Variants in MSR1 observed in about 807,000 individuals in gnomAD.
MSR1 encodes the protein macrophage scavenger receptor types I and II.
MSR1 carries 53 observed loss-of-function variants against 47.2 expected under a neutral mutation model. The ratio of observed to expected loss-of-function variants is 1.12; its 90% CI spans 0.90 to 1.41. MSR1 has a LOEUF of 1.41. MSR1 is among the 40% of genes most tolerant of loss of function. The pLI is 0.00. For missense variants in MSR1, 786 were observed against 546.9 expected (o/e 1.44, Z -4.36); for synonymous variants, 239 against 185.6 (o/e 1.29, Z -2.34).
chr8:16,167,455 G>A (rs1801346035), intron 4 of MSR1, among the ~76,000 whole-genome samples: 1 of 152,132 alleles, frequency 6.6e-6, no homozygotes, highest in East Asian at 1.9e-4. Context: ...TAAGGCACGA[G>A]AATCACTTGA....
Position 16,113,057 on chromosome 8 carries a change from C to G in MSR1, c.1223-2839G>C, listed in dbSNP as rs188645651. On this transcript the variant is annotated intron_variant, in intron 9 of 9. Transcript: ENST00000262101. ...TTCCGCTTCCTGGGTTCAAATGATTCTCCTGCCTCAGCCTCCTGAGTAGGT... is the reference window on the plus strand; with the variant it reads ...TTCCGCTTCCTGGGTTCAAATGATTGTCCTGCCTCAGCCTCCTGAGTAGGT... 2.5e-3 allele frequency among the ~76,000 whole-genome samples: 364 copies of G among 144,812 alleles called. 1 individual carries two copies. Among genetic ancestry groups the G allele is most frequent in the African/African-American group, 7.2e-3 (282 of 39,118 alleles).
intron 8 of MSR1, among the ~76,000 whole-genome samples, chr8:16,126,454 T>C (rs1212290939): frequency 6.6e-6 from 1 of 152,112 alleles, no homozygotes; most frequent in Non-Finnish European, 1.5e-5. Flanking sequence ...GATGCAAACA[T>C]AATACAGAAA....
chr8:16,159,840 G>T (rs897163904), intron 5 of MSR1, among the ~76,000 whole-genome samples: 1 of 151,892 alleles, frequency 6.6e-6, no homozygotes. Flanking sequence ...ACCAGCAAAG[G>T]CTTCATGCAA....
At chr8:16,116,575 T>C (rs564812978) in intron 9 of MSR1, among the ~76,000 whole-genome samples, 6 of 152,048 alleles carry the variant, frequency 3.9e-5, no homozygotes, top group Non-Finnish European at 8.8e-5. Context: ...ACTCTGTCAT[T>C]CTATTCCTTA....
intron 8 of MSR1, among the ~76,000 whole-genome samples, chr8:16,134,018 T>C (rs910995763): frequency 2.0e-5 from 3 of 152,170 alleles, no homozygotes; most frequent in Admixed American, 6.5e-5. Context: ...TTGACGTGGA[T>C]AGTCAGCTGC....
intron 1 of MSR1, chr8:16,186,239 C>A (rs188007105): frequency 4.6e-6 from 7 of 1,521,596 alleles, no homozygotes; most frequent in Non-Finnish European, 6.2e-6. Flanking sequence ...TCTGGGTATT[C>A]CTCCTCATCT....
In MSR1 at chr8:16,154,967, A is replaced by G. The variant is rs1319417867; in HGVS notation, c.898+97T>C. On this transcript the variant is annotated intron_variant, in intron 6 of 9. Coordinates refer to ENST00000262101, the MANE Select transcript of MSR1 (RefSeq NM_138715.3). ...ACACACACACATACACATCCTCTGC[A>G]GGATATAAATAAAATAGCAATCCTC... 3.0e-6 allele frequency: 3 copies of G among 990,460 alleles called. No homozygotes were observed. In the East Asian group the frequency reaches 7.4e-5, roughly 25 times the overall value. 61.4% of individuals were successfully genotyped at this position (990,460 alleles called of 1,614,324 possible). A position where few individuals can be genotyped will look rare whatever the true frequency, so the allele number is the denominator to read the frequency against.
Position 16,108,425 on chromosome 8 carries a change from A to T in MSR1, c.*1660T>A, listed in dbSNP as rs970779832. The T allele has an allele frequency of 6.6e-6, 1 of 151,916 alleles. No homozygotes were observed. The highest frequency in any genetic ancestry group is 2.4e-5 in the African/African-American group (1 of 41,358). The allele number at this position is 151,916 out of a possible 1,614,324, so 9.4% of individuals were successfully genotyped here. On this transcript the variant is annotated 3_prime_UTR_variant, in exon 10 of 10. Transcript: ENST00000262101. ...ATAAGTAGTAAATCAGCATACATAT[A>T]CCATACAGCAATACAGTATTAACAA...
chr8:16,163,944 G>A, intron 5 of MSR1, 121 bp downstream of exon 5: 1 of 766,950 alleles, frequency 1.3e-6, no homozygotes. Context: ...GGTATTTGCA[G>A]TAAATGTAAG....
chr8:16,164,260 CA>C lies in MSR1; in HGVS notation c.631-10del. ...TCTAATTTACTGATTTCCTGTAAAA[CA>C]TAAGTGAGCATTCACAGCCTTTGTT... On this transcript the variant is annotated splice_polypyrimidine_tract_variant and intron_variant, in intron 4 of 9. Transcript: ENST00000262101. 2 of 1,607,368 alleles carry C rather than the reference CA, an allele frequency of 1.2e-6. No homozygotes were observed. The highest frequency in any genetic ancestry group is 1.7e-6 in the Non-Finnish European group (2 of 1,175,210).
chr8:16,132,561 C>T (rs1236545179), intron 8 of MSR1, among the ~76,000 whole-genome samples: 1 of 152,058 alleles, frequency 6.6e-6, no homozygotes, highest in Non-Finnish European at 1.5e-5. Flanking sequence ...GATCTTGGCT[C>T]ACTGCAACCC....
chr8:16,133,505 A>G (rs1800313477), intron 8 of MSR1, among the ~76,000 whole-genome samples: 1 of 152,106 alleles, frequency 6.6e-6, no homozygotes, highest in South Asian at 2.1e-4. Context: ...CTGGGAGTTT[A>G]CTGTTAAAAC....
chr8:16,155,224 A>G lies in MSR1; in HGVS notation c.818-80T>C, dbSNP rs559436778. 54 of 988,310 alleles carry G rather than the reference A, an allele frequency of 5.5e-5. No individual in the cohort carries two copies. The African/African-American group carries it at 8.0e-4, about 15-fold the overall frequency. 61.2% of individuals were successfully genotyped at this position (988,310 alleles called of 1,614,324 possible). On this transcript the variant is annotated intron_variant, in intron 5 of 9. Transcript: ENST00000262101. ...TAGTCATCTGTCAAGGTACTTATATAAGGAAATCCAAAGTCTTCTATTTGT... is the reference window on the plus strand; with the variant it reads ...TAGTCATCTGTCAAGGTACTTATATGAGGAAATCCAAAGTCTTCTATTTGT...
chr8:16,188,349 C>T (rs538585156), intron 1 of MSR1, among the ~76,000 whole-genome samples: 4 of 151,832 alleles, frequency 2.6e-5, no homozygotes, highest in African/African-American at 9.7e-5. Context: ...GAAAAAAACC[C>T]TTAATTTTTT....
intron 8 of MSR1, among the ~76,000 whole-genome samples, chr8:16,136,377 AT>A: frequency 6.6e-6 from 1 of 152,302 alleles, no homozygotes; most frequent in East Asian, 1.9e-4. Context: ...GATTGTTAGC[AT>A]TTTTTAGCAA....
intron 9 of MSR1, among the ~76,000 whole-genome samples, chr8:16,115,648 T>C (rs1394503443): frequency 6.6e-6 from 1 of 152,132 alleles, no homozygotes; most frequent in Non-Finnish European, 1.5e-5. Flanking sequence ...ATTCTTTAGT[T>C]GTTTGGTACT....
At chr8:16,142,278 C>T (rs1369242434) in intron 8 of MSR1, among the ~76,000 whole-genome samples, 1 of 152,084 alleles carries the variant, frequency 6.6e-6, no homozygotes, top group Admixed American at 6.5e-5. Context: ...TTGCAGTGAG[C>T]CGAGATGGTG....
At chr8:16,110,796 T>C (rs1346664928) in intron 9 of MSR1, among the ~76,000 whole-genome samples, 1 of 152,102 alleles carries the variant, frequency 6.6e-6, no homozygotes, top group Non-Finnish European at 1.5e-5. Context: ...CACCATCCTG[T>C]AAGGAAATCA....
At chr8:16,141,434 GT>G (rs1269490998) in intron 8 of MSR1, among the ~76,000 whole-genome samples, 2 of 152,132 alleles carry the variant, frequency 1.3e-5, no homozygotes. Context: ...GGTGATTATG[GT>G]GTAGCTGAAT....
Sources: gnomAD v4.1 joint callset for allele counts (sites outside exome capture counted in the v4.1 genomes callset) on GRCh38, gnomAD v4.1.1 for gene constraint, MANE v1.5 for transcripts, NCBI Gene and HGNC (gene_info 2026-07-23, HGNC 2026-07-21) for gene names.